The following SLF1 variants were observed in gnomAD, a reference collection of about 807,000 sequenced individuals.
SLF1 encodes the protein SMC5-SMC6 complex localization factor protein 1.
SLF1 carries 105 observed loss-of-function variants against 123.0 expected under a neutral mutation model. The ratio of observed to expected loss-of-function variants is 0.85; its 90% CI spans 0.73 to 1.00. The LOEUF is 1.00. SLF1 is among the 50% of genes least tolerant of loss of function. The pLI, the probability that SLF1 is intolerant of heterozygous loss-of-function variation, is 0.00. For missense variants in SLF1, 1,239 were observed against 1,223.0 expected, an observed-to-expected ratio of 1.01 and a Z score of -0.20; for synonymous variants, 434 against 406.6, an observed-to-expected ratio of 1.07 and a Z score of -0.81.
chr5:94,664,246 A>T (rs1238260770), intron 11 of SLF1, among the ~76,000 whole-genome samples: 2 of 152,238 alleles, frequency 1.3e-5, no homozygotes, highest in African/African-American at 2.4e-5. Flanking sequence ...CTCCATTAGT[A>T]CATTGATGAT....
chr5:94,650,848 G>T (rs1280649552), intron 6 of SLF1, among the ~76,000 whole-genome samples: 1 of 152,086 alleles, frequency 6.6e-6, no homozygotes, highest in Non-Finnish European at 1.5e-5. Context: ...GTAAACCACA[G>T]TGTATAGCAT....
chr5:94,633,496 C>T (rs962369851), intron 4 of SLF1, among the ~76,000 whole-genome samples: 3 of 152,012 alleles, frequency 2.0e-5, no homozygotes, highest in African/African-American at 7.2e-5. Flanking sequence ...ATTTTTTCCC[C>T]CATGATTGGT....
Position 94,671,024 on chromosome 5 carries a change from T to G in SLF1, c.1827+16T>G, listed in dbSNP as rs866172972. 6.8e-6 allele frequency: 10 copies of G among 1,477,470 alleles called. No individual in the cohort carries two copies. In the Middle Eastern group the frequency reaches 1.1e-3, roughly 159 times the overall value. 91.5% of individuals were successfully genotyped at this position (1,477,470 alleles called of 1,614,324 possible). A position where few individuals can be genotyped will look rare whatever the true frequency, so the allele number is the denominator to read the frequency against. On this transcript the variant is annotated intron_variant, in intron 14 of 20. Transcript: ENST00000265140. ...GTCTAATGATGTAAGTAGGATTAAT[T>G]TATAGATGAATAGTCTATGGAAACA...
At chr5:94,656,192 A>T (rs189447241) in intron 9 of SLF1, among the ~76,000 whole-genome samples, 2 of 151,978 alleles carry the variant, frequency 1.3e-5, no homozygotes, top group African/African-American at 2.4e-5. Context: ...TTTTGCATAT[A>T]TTGAAATGAT....
At chr5:94,664,559 G>A (rs6893587) in intron 11 of SLF1, among the ~76,000 whole-genome samples, 22,806 of 152,166 alleles carry the variant, frequency 0.15, 1,911 homozygotes, top group East Asian at 0.32. Context: ...TTCAAAGATC[G>A]CTTTCTAATC....
intron 9 of SLF1, 24 bp downstream of exon 9, chr5:94,654,776 T>A (rs1292540811): frequency 6.8e-7 from 1 of 1,475,706 alleles, no homozygotes; most frequent in Non-Finnish European, 9.0e-7. Context: ...CATGAAAAAT[T>A]TTGTATAATA....
intron 9 of SLF1, among the ~76,000 whole-genome samples, chr5:94,661,791 C>T (rs139961616): frequency 9.2e-5 from 14 of 152,282 alleles, no homozygotes; most frequent in African/African-American, 3.1e-4. Flanking sequence ...TCCAGCTTGG[C>T]CTTCCAAAGT....
At chr5:94,645,934 A>G (rs1244638180) in intron 5 of SLF1, among the ~76,000 whole-genome samples, 1 of 152,146 alleles carries the variant, frequency 6.6e-6, no homozygotes, top group African/African-American at 2.4e-5. Flanking sequence ...GTGTCATCCA[A>G]GAAAAGCTGC....
chr5:94,624,601 C>G (rs1792069178), intron 1 of SLF1, among the ~76,000 whole-genome samples: 1 of 152,050 alleles, frequency 6.6e-6, no homozygotes, highest in Non-Finnish European at 1.5e-5. Context: ...ATGTTTATTT[C>G]TGTATAACTT....
At chr5:94,673,427 C>T (rs1750694566) in intron 14 of SLF1, among the ~76,000 whole-genome samples, 1 of 151,966 alleles carries the variant, frequency 6.6e-6, no homozygotes, top group Non-Finnish European at 1.5e-5. Flanking sequence ...GTAATCCCAG[C>T]ACTTTGATAT....
intron 4 of SLF1, among the ~76,000 whole-genome samples, chr5:94,640,362 T>C (rs1004736304): frequency 2.0e-5 from 3 of 152,178 alleles, no homozygotes; most frequent in Non-Finnish European, 4.4e-5. Context: ...CTGTCATTCT[T>C]TTTTTCCGTT....
chr5:94,653,761 A>G (rs771701668), intron 8 of SLF1, among the ~76,000 whole-genome samples: 8 of 151,964 alleles, frequency 5.3e-5, no homozygotes, highest in Non-Finnish European at 1.0e-4. Context: ...TGTAAATTTT[A>G]TTTTGCTCTT....
chr5:94,678,892 G>GGT lies in SLF1; in HGVS notation c.1913_1914dup (p.Arg639ValfsTer4), dbSNP rs749371947. 1 of 1,613,758 alleles carries GGT rather than the reference G, an allele frequency of 6.2e-7. No homozygotes were observed. Among genetic ancestry groups the GGT allele is most frequent in the Admixed American group, 1.7e-5 (1 of 60,014 alleles). ...TTGGATTTTCCTTGGTCTTAAGATG[G>GGT]GTAGAAATGTGATGCGACACATGTC... On this transcript the variant is annotated frameshift_variant, in exon 15 of 21. Coordinates refer to ENST00000265140, the MANE Select transcript of SLF1 (RefSeq NM_032290.4). LOFTEE classifies it high-confidence loss of function.
chr5:94,628,553 G>A (rs1045699921), intron 1 of SLF1, among the ~76,000 whole-genome samples: 1 of 152,196 alleles, frequency 6.6e-6, no homozygotes, highest in African/African-American at 2.4e-5. Flanking sequence ...GTCAAGTAAT[G>A]TATTAATCCA....
chr5:94,685,175 T>C (rs1752272942), intron 15 of SLF1, among the ~76,000 whole-genome samples: 1 of 152,234 alleles, frequency 6.6e-6, no homozygotes, highest in Non-Finnish European at 1.5e-5. Flanking sequence ...ATTGACTGGG[T>C]GTCTGCATTC....
rs1289546574 is a variant in SLF1 at position 94,618,692 on chromosome 5, A to C, written c.-74A>C. The C allele has an allele frequency of 6.5e-6, 1 of 154,742 alleles. No individual in the cohort carries two copies. Among genetic ancestry groups the C allele is most frequent in the Non-Finnish European group, 1.5e-5 (1 of 68,222 alleles). 9.6% of individuals were successfully genotyped at this position (154,742 alleles called of 1,614,324 possible). The stretch of plus-strand genomic sequence containing the variant: ...TTCCCAGAGCCCGGATTCGTGAAGC[A>C]GTTGAGTGCTGCAGCGGCAGTCGTC... On this transcript the variant is annotated 5_prime_UTR_variant, in exon 1 of 21. Transcript: ENST00000265140.
Position 94,663,883 on chromosome 5 carries a change from A to G in SLF1, c.1343A>G (p.His448Arg), listed in dbSNP as rs546414698. 48 of 1,542,508 alleles carry G rather than the reference A, an allele frequency of 3.1e-5. No homozygotes were observed. Among genetic ancestry groups the G allele is most frequent in the Admixed American group, 1.6e-4 (8 of 49,112 alleles). ...AHYIPPVCVL[H>R]ALLENVLQDN... The stretch of plus-strand genomic sequence containing the variant: ...TATATCCCTCCTGTATGCGTTCTTC[A>G]TGCCCTTCTAGAGAACGTTCTACAG... The change falls in exon 11 of 21, where the codon CAT (histidine) becomes CGT (arginine). Residue 448 changes from histidine to arginine, a missense_variant. Coordinates refer to ENST00000265140, the MANE Select transcript of SLF1 (RefSeq NM_032290.4).
chr5:94,678,696 C>A, intron 14 of SLF1, 112 bp from the exon 15 acceptor site: 1 of 892,842 alleles, frequency 1.1e-6, no homozygotes, highest in South Asian at 1.9e-5. Flanking sequence ...CATTACATAC[C>A]CTGTATTTTT....
chr5:94,658,876 CT>C (rs1186902504), intron 9 of SLF1, among the ~76,000 whole-genome samples: 4 of 149,508 alleles, frequency 2.7e-5, no homozygotes, highest in African/African-American at 9.9e-5. Flanking sequence ...GTTTCTTTTG[CT>C]TGATCTAGTC....
Sources: allele counts gnomAD v4.1 joint callset (sites outside exome capture counted in the v4.1 genomes callset), GRCh38; gene constraint gnomAD v4.1.1; transcripts MANE v1.5; gene names NCBI Gene and HGNC (gene_info 2026-07-23, HGNC 2026-07-21).